MITF: variants seen among roughly 807,000 people sequenced by gnomAD.
The protein encoded by MITF is melanocyte inducing transcription factor.
MITF carries 17 observed loss-of-function variants against 60.5 expected under a neutral mutation model. The observed-to-expected ratio is 0.28, with a 90% confidence interval of 0.19 to 0.42. The LOEUF (loss-of-function observed/expected upper bound fraction) is 0.42. Among genes scored for constraint, MITF ranks in the 10% least tolerant of loss-of-function variants. MITF has a pLI of 1.00. For synonymous variants in MITF, 260 were observed against 248.5 expected (o/e 1.05, Z -0.43); for missense variants, 622 against 683.5 (o/e 0.91, Z 1.00).
At position 69,865,049 on chromosome 3, in the gene MITF, G is replaced by C. The variant is rs182895757; in HGVS notation, c.105-14085G>C. On this transcript the variant is annotated intron_variant, in intron 1 of 9. Transcript: ENST00000352241. ...ACTCCACGAATTTACACAATGCCTG[G>C]GACACAGTTGGTGTTCCATAAATAT... 2.2e-3 allele frequency among the ~76,000 whole-genome samples: 336 copies of C among 151,998 alleles called. 1 individual carries two copies. The highest frequency in any genetic ancestry group is 7.5e-3 in the African/African-American group (310 of 41,404).
At chr3:69,926,597 A>C (rs2065595278) in intron 2 of MITF, among the ~76,000 whole-genome samples, 1 of 152,124 alleles carries the variant, frequency 6.6e-6, no homozygotes, top group Admixed American at 6.5e-5. Context: ...TGCGATTCTG[A>C]GGCAGGGCTA....
At chr3:69,802,656 A>G (rs1050763510) in intron 1 of MITF, among the ~76,000 whole-genome samples, 4 of 140,022 alleles carry the variant, frequency 2.9e-5, no homozygotes, top group Admixed American at 1.4e-4. Context: ...GTGAGCACCT[A>G]CTGTGTGCTA....
At chr3:69,940,207 T>C (rs1369427503) in intron 4 of MITF, among the ~76,000 whole-genome samples, 2 of 152,170 alleles carry the variant, frequency 1.3e-5, no homozygotes, top group African/African-American at 4.8e-5. Context: ...TTTGCCCTAA[T>C]CTAGAAAGCA....
intron 1 of MITF, among the ~76,000 whole-genome samples, chr3:69,750,615 A>G (rs1703902577): frequency 6.6e-6 from 1 of 152,094 alleles, no homozygotes; most frequent in Non-Finnish European, 1.5e-5. Flanking sequence ...AGTGTGCATC[A>G]GCATTCCCTG....
chr3:69,875,697 A>G (rs78776281), intron 1 of MITF, among the ~76,000 whole-genome samples: 4,011 of 152,300 alleles, frequency 0.026, 167 homozygotes, highest in African/African-American at 0.089. Context: ...CATAAACCTC[A>G]ATTTGGAGCT....
At chr3:69,891,041 T>G (rs2064748513) in intron 2 of MITF, among the ~76,000 whole-genome samples, 1 of 152,202 alleles carries the variant, frequency 6.6e-6, no homozygotes, top group Admixed American at 6.5e-5. Flanking sequence ...ATCTATTTTC[T>G]GAGTCTGTAT....
chr3:69,775,130 G>C (rs191014408), intron 1 of MITF, among the ~76,000 whole-genome samples: 1 of 151,878 alleles, frequency 6.6e-6, no homozygotes, highest in East Asian at 1.9e-4. Flanking sequence ...TTCTTTTATG[G>C]TTTCCTAATC....
Position 69,803,318 on chromosome 3 carries a change from T to C in MITF, c.104+63617T>C, listed in dbSNP as rs146247188. 2.0e-3 allele frequency among the ~76,000 whole-genome samples: 307 copies of C among 152,314 alleles called. 1 individual carries two copies. The highest frequency in any genetic ancestry group is 6.7e-3 in the African/African-American group (278 of 41,580). On this transcript the variant is annotated intron_variant, in intron 1 of 9. Transcript: ENST00000352241. ...GTATATACCCCCTAAGAAACTCTGT[T>C]GTCTGTCTTTTCATAAACCCTATGT...
intron 6 of MITF, 142 bp downstream of exon 6, chr3:69,949,310 T>C (rs1423074359): frequency 4.5e-6 from 3 of 660,496 alleles, no homozygotes; most frequent in South Asian, 3.4e-5. Context: ...TAAAACATTA[T>C]GCAATATTTT....
At chr3:69,777,407 G>A (rs1575696928) in intron 1 of MITF, among the ~76,000 whole-genome samples, 1 of 152,286 alleles carries the variant, frequency 6.6e-6, no homozygotes, top group South Asian at 2.1e-4. Context: ...TTAAACCTGT[G>A]TGTTGTTTTG....
intron 2 of MITF, among the ~76,000 whole-genome samples, chr3:69,913,776 C>T (rs1262737269): frequency 1.3e-5 from 2 of 152,104 alleles, no homozygotes; most frequent in Non-Finnish European, 2.9e-5. Context: ...CATGATAAAA[C>T]GAAGGCCCTT....
intron 1 of MITF, among the ~76,000 whole-genome samples, chr3:69,764,193 C>T (rs2062255109): frequency 6.6e-6 from 1 of 152,094 alleles, no homozygotes; most frequent in African/African-American, 2.4e-5. Flanking sequence ...TTATTTTTGG[C>T]AGTGTTGGTA....
chr3:69,904,090 A>G lies in MITF; in HGVS notation c.354+24707A>G, dbSNP rs955068579. ...ACACGTCTAGAAACAAGGTATTGCC[A>G]TGATTAGCTTGAACCAGTATCACCC... On this transcript the variant is annotated intron_variant, in intron 2 of 9. Transcript: ENST00000352241. Among the ~76,000 whole-genome samples, 17 of 152,250 alleles carry G rather than the reference A, an allele frequency of 1.1e-4. No homozygotes were observed. In the East Asian group the frequency reaches 1.9e-3, roughly 17 times the overall value.
Position 69,832,154 on chromosome 3 carries a change from G to C in MITF, c.105-46980G>C, listed in dbSNP as rs149396923. 9.4e-4 allele frequency among the ~76,000 whole-genome samples: 143 copies of C among 152,314 alleles called. 2 individuals are homozygous for C. The East Asian group carries it at 0.019, about 21-fold the overall frequency. ...ATGGTTTCTGTGGGTCAGGCATTCT[G>C]GAGTGCTGGGCTGGGCAGTTCTGTC... On this transcript the variant is annotated intron_variant, in intron 1 of 9. Transcript: ENST00000352241.
At chr3:69,866,969 A>T (rs1351692298) in intron 1 of MITF, among the ~76,000 whole-genome samples, 1 of 152,170 alleles carries the variant, frequency 6.6e-6, no homozygotes, top group Non-Finnish European at 1.5e-5. Flanking sequence ...CCTGGCATAT[A>T]AATGTAGAAC....
At chr3:69,832,119 G>A (rs760393033) in intron 1 of MITF, among the ~76,000 whole-genome samples, 2 of 152,110 alleles carry the variant, frequency 1.3e-5, no homozygotes, top group Non-Finnish European at 2.9e-5. Context: ...ATGTCATTTT[G>A]TTCACTCTCA....
chr3:69,802,131 A>G (rs1467689871), intron 1 of MITF, among the ~76,000 whole-genome samples: 1 of 152,148 alleles, frequency 6.6e-6, no homozygotes, highest in Non-Finnish European at 1.5e-5. Context: ...TCACCTGAGG[A>G]TGATTTTAGC....
At chr3:69,832,001 C>T (rs1310557525) in intron 1 of MITF, among the ~76,000 whole-genome samples, 2 of 152,202 alleles carry the variant, frequency 1.3e-5, no homozygotes, top group Admixed American at 6.5e-5. Flanking sequence ...CCAATTTACA[C>T]TTCCATCCAC....
intron 1 of MITF, among the ~76,000 whole-genome samples, chr3:69,757,151 A>G (rs1392147146): frequency 6.6e-6 from 1 of 152,112 alleles, no homozygotes; most frequent in Non-Finnish European, 1.5e-5. Flanking sequence ...CACTTCCCCC[A>G]ACTATCAGCT....
Sources: allele counts gnomAD v4.1 joint callset (sites outside exome capture counted in the v4.1 genomes callset), GRCh38; gene constraint gnomAD v4.1.1; transcripts MANE v1.5; gene names NCBI Gene and HGNC (gene_info 2026-07-23, HGNC 2026-07-21).